LAPTM4B: variants seen among roughly 807,000 people sequenced by gnomAD.
The protein encoded by LAPTM4B is lysosomal protein transmembrane 4 beta, also known as lysosomal-associated transmembrane protein 4B.
Under a neutral mutation model 28.5 loss-of-function variants are expected in LAPTM4B, and 26 were observed. The observed-to-expected ratio is 0.91, with a 90% CI of 0.67 to 1.27. The LOEUF (loss-of-function observed/expected upper bound fraction) is 1.27, where lower values mean the gene tolerates loss of function less well. Ranked by LOEUF, LAPTM4B falls within the 50% of genes most tolerant of loss-of-function variation. The probability of loss-of-function intolerance (pLI) is 0.00; values close to 1 mark genes in which losing one functional copy is unlikely to be tolerated. For synonymous variants in LAPTM4B, 109 were observed against 106.4 expected, an observed-to-expected ratio of 1.02 and a Z score of -0.15; for missense variants, 288 against 285.8, an observed-to-expected ratio of 1.01 and a Z score of -0.06.
In LAPTM4B at chr8:97,851,542, T is replaced by C. The variant is rs919905385; in HGVS notation, c.*68T>C. The C allele has an allele frequency of 8.2e-7, 1 of 1,221,450 alleles. No individual in the cohort carries two copies. The highest frequency in any genetic ancestry group is 1.5e-5 in the African/African-American group (1 of 67,110). 75.7% of individuals were successfully genotyped at this position (1,221,450 alleles called of 1,614,324 possible). The stretch of plus-strand genomic sequence containing the variant: ...AGACATCTGAGCAATAGTTCTGTTA[T>C]TTCACTTTTGCCATGAGCCTCTCTG... On this transcript the variant is annotated 3_prime_UTR_variant, in exon 7 of 7. Transcript: ENST00000521545.
At chr8:97,795,487 C>T (rs974580125) in intron 1 of LAPTM4B, among the ~76,000 whole-genome samples, 7 of 152,002 alleles carry the variant, frequency 4.6e-5, no homozygotes, top group Non-Finnish European at 1.0e-4. Context: ...AAGCAAAGAC[C>T]CCTGTATCTT....
chr8:97,823,713 TC>T (rs201701890), intron 5 of LAPTM4B, among the ~76,000 whole-genome samples: 7,676 of 46,998 alleles, frequency 0.16, 360 homozygotes, highest in African/African-American at 0.27. Flanking sequence ...TTTTTTTTTT[TC>T]GGAGATGGAG....
intron 6 of LAPTM4B, among the ~76,000 whole-genome samples, chr8:97,838,926 A>G (rs560419482): frequency 6.6e-6 from 1 of 152,278 alleles, no homozygotes; most frequent in African/African-American, 2.4e-5. Context: ...CTGCTTATCT[A>G]TATAGTTGTG....
chr8:97,807,699 C>T (rs865816790), intron 2 of LAPTM4B, among the ~76,000 whole-genome samples: 2 of 151,688 alleles, frequency 1.3e-5, no homozygotes, highest in African/African-American at 4.9e-5. Flanking sequence ...GAAAAGGCAA[C>T]GGGGCCCAGA....
chr8:97,844,504 C>G (rs1403373794), intron 6 of LAPTM4B, among the ~76,000 whole-genome samples: 1 of 152,190 alleles, frequency 6.6e-6, no homozygotes, highest in Admixed American at 6.5e-5. Flanking sequence ...CCTGAAACAG[C>G]TTGCATCCTA....
chr8:97,816,330 T>TGAGG, intron 4 of LAPTM4B, 150 bp downstream of exon 4: 1 of 801,480 alleles, frequency 1.2e-6, no homozygotes, highest in Non-Finnish European at 1.9e-6. Flanking sequence ...TTTCTTTTTT[T>TGAGG]TGAGGTGGAG....
At chr8:97,815,448 A>G (rs1816896908) in intron 3 of LAPTM4B, 47 bp downstream of exon 3, 1 of 1,312,312 alleles carries the variant, frequency 7.6e-7, no homozygotes, top group Non-Finnish European at 1.1e-6. Context: ...GGTCTCTTAC[A>G]TGTGTAATCT....
At chr8:97,804,951 A>C (rs1816737798) in intron 1 of LAPTM4B, among the ~76,000 whole-genome samples, 1 of 152,204 alleles carries the variant, frequency 6.6e-6, no homozygotes, top group Non-Finnish European at 1.5e-5. Context: ...TGTTTGATTA[A>C]CTGAGACAAC....
intron 1 of LAPTM4B, among the ~76,000 whole-genome samples, chr8:97,789,692 T>G (rs1003086463): frequency 6.6e-6 from 1 of 151,864 alleles, no homozygotes; most frequent in East Asian, 1.9e-4. Context: ...TAATTTTTTT[T>G]GTATTTTTAG....
chr8:97,824,325 G>A (rs1817058788), intron 5 of LAPTM4B, among the ~76,000 whole-genome samples: 1 of 152,036 alleles, frequency 6.6e-6, no homozygotes, highest in African/African-American at 2.4e-5. Flanking sequence ...CTGGATTTTA[G>A]CAATCTAGTT....
intron 6 of LAPTM4B, among the ~76,000 whole-genome samples, chr8:97,831,575 A>G (rs1170807613): frequency 1.3e-5 from 2 of 152,222 alleles, no homozygotes; most frequent in African/African-American, 2.4e-5. Flanking sequence ...TTTGTGTCCT[A>G]CATGGAAGTG....
At chr8:97,839,595 C>A (rs2449553) in intron 6 of LAPTM4B, among the ~76,000 whole-genome samples, 38 of 152,246 alleles carry the variant, frequency 2.5e-4, no homozygotes, top group African/African-American at 8.9e-4. Context: ...GAAGACTACA[C>A]GAGCACTTGT....
At chr8:97,784,902 A>G (rs890954463) in intron 1 of LAPTM4B, among the ~76,000 whole-genome samples, 4 of 152,172 alleles carry the variant, frequency 2.6e-5, no homozygotes, top group African/African-American at 9.7e-5. Context: ...AGTGAGTGAT[A>G]CAAGTCTCTC....
chr8:97,786,222 C>T (rs527825827), intron 1 of LAPTM4B, among the ~76,000 whole-genome samples: 45 of 152,216 alleles, frequency 3.0e-4, no homozygotes, highest in South Asian at 2.7e-3. Context: ...TTGTGCTTGA[C>T]GGAAAGTAAA....
chr8:97,800,670 A>G (rs1301509695), intron 1 of LAPTM4B, among the ~76,000 whole-genome samples: 2 of 151,124 alleles, frequency 1.3e-5, no homozygotes, highest in African/African-American at 4.9e-5. Flanking sequence ...CTAATTTTGT[A>G]TTTTTAGTGG....
In LAPTM4B at chr8:97,850,465, G is replaced by GGGGTGTGTGTGTGTGT. The variant is rs955115621; in HGVS notation, c.604-931_604-930insGGTGTGTGTGTGTGTG. Among the ~76,000 whole-genome samples, 3 of 37,850 alleles carry GGGGTGTGTGTGTGTGT rather than the reference G, an allele frequency of 7.9e-5. 1 individual carries two copies. The highest frequency in any genetic ancestry group is 5.9e-4 in the African/African-American group (3 of 5,058). The allele number at this position is 37,850 out of a possible 152,430, so 24.8% of individuals were successfully genotyped here. A position where few individuals can be genotyped will look rare whatever the true frequency, so the allele number is the denominator to read the frequency against. ...GAAGTGTGTAGAGCTGGAGAGGAGGGGTGTGTGTGTGTGTGTGTGTGTGTT... is the reference window on the plus strand; with the variant it reads ...GAAGTGTGTAGAGCTGGAGAGGAGGGGGGTGTGTGTGTGTGTGTGTGTGTGTGTGTGTGTGTGTGTT... On this transcript the variant is annotated intron_variant, in intron 6 of 6. Coordinates refer to ENST00000521545, the MANE Select transcript of LAPTM4B (RefSeq NM_018407.6).
chr8:97,778,185 A>C (rs978247275), intron 1 of LAPTM4B, among the ~76,000 whole-genome samples: 1 of 152,244 alleles, frequency 6.6e-6, no homozygotes, highest in African/African-American at 2.4e-5. Flanking sequence ...AAAGCTTTCT[A>C]GCAGATGTGA....
At chr8:97,780,581 T>C (rs539004336) in intron 1 of LAPTM4B, among the ~76,000 whole-genome samples, 4 of 152,332 alleles carry the variant, frequency 2.6e-5, no homozygotes, top group South Asian at 4.1e-4. Flanking sequence ...CCAAGTGTCA[T>C]GTACTTTACT....
intron 1 of LAPTM4B, among the ~76,000 whole-genome samples, chr8:97,805,050 TG>T (rs774479368): frequency 1.3e-5 from 2 of 152,188 alleles, no homozygotes; most frequent in Non-Finnish European, 2.9e-5. Context: ...GGCTGATGCC[TG>T]TGTTTGTGTG....
Sources: allele counts gnomAD v4.1 joint callset (sites outside exome capture counted in the v4.1 genomes callset), GRCh38; gene constraint gnomAD v4.1.1; transcripts MANE v1.5; gene names NCBI Gene and HGNC (gene_info 2026-07-23, HGNC 2026-07-21).